AKR1E2: variants seen among roughly 807,000 people sequenced by gnomAD.
AKR1E2 encodes the protein 1,5-anhydro-D-fructose reductase.
In AKR1E2, 43 loss-of-function variants were observed where a neutral mutation model predicts 41.9. The ratio of observed to expected loss-of-function variants is 1.03; its 90% confidence interval spans 0.80 to 1.32. The LOEUF is 1.32. AKR1E2 is among the 40% of genes most tolerant of loss of function. AKR1E2 has a pLI of 0.00. For synonymous variants in AKR1E2, 121 were observed against 138.9 expected (o/e 0.87, Z 0.91); for missense variants, 423 against 396.5 (o/e 1.07, Z -0.57).
Position 4,833,406 on chromosome 10 carries a change from C to T in AKR1E2, c.264C>T (p.Leu88=). Residue 88 remains leucine (L), a synonymous_variant, in exon 3 of 10, where the codon CTC becomes CTT. Transcript: ENST00000298375. ...TGGAAACAGCATGCAGAAAGAGTCT[C>T]AAGGCCTTGAAGCTGAACTATTTGG... ...SLVETACRKS[L]KALKLNYLDL... 1 of 1,614,202 alleles carries T rather than the reference C, an allele frequency of 6.2e-7. No homozygotes were observed. The highest frequency in any genetic ancestry group is 8.5e-7 in the Non-Finnish European group (1 of 1,180,046).
the AKR1E2 span, among the ~76,000 whole-genome samples, chr10:4,863,317 C>T: frequency 2.6e-5 from 4 of 152,182 alleles, no homozygotes; most frequent in African/African-American, 4.8e-5. Flanking sequence ...CACTCAAAAC[C>T]ACTCAACTAC....
chr10:4,864,424 A>ATT, the AKR1E2 span, among the ~76,000 whole-genome samples: 1 of 152,208 alleles, frequency 6.6e-6, no homozygotes, highest in African/African-American at 2.4e-5. Context: ...TTCATGCTAA[A>ATT]AACTCTCAAT....
At chr10:4,834,435 T>G (rs565839719) in intron 3 of AKR1E2, among the ~76,000 whole-genome samples, 2 of 152,378 alleles carry the variant, frequency 1.3e-5, no homozygotes, top group East Asian at 1.9e-4. Context: ...ACCAGAGTGA[T>G]GTCTGTGCCT....
the AKR1E2 span, among the ~76,000 whole-genome samples, chr10:4,856,917 G>A: frequency 6.8e-6 from 1 of 147,120 alleles, no homozygotes; most frequent in Non-Finnish European, 1.5e-5. Flanking sequence ...TCACATTGTT[G>A]TGCAACCATC....
rs372646488 is a variant in AKR1E2 at position 4,845,169 on chromosome 10, C to T, written c.838-1979C>T. Among the ~76,000 whole-genome samples, 31 of 152,352 alleles carry T rather than the reference C, an allele frequency of 2.0e-4. No individual in the cohort carries two copies. The East Asian group carries it at 2.1e-3, about 10-fold the overall frequency. On this transcript the variant is annotated intron_variant, in intron 8 of 9. Coordinates refer to ENST00000298375, the MANE Select transcript of AKR1E2 (RefSeq NM_001040177.3). ...CAGCCGCTGGCCCGAGTGCTAAGCC[C>T]CTCATTGCCCAGGGCCAGCAGGGCT...
At chr10:4,873,143 C>A in the AKR1E2 span, among the ~76,000 whole-genome samples, 1 of 152,010 alleles carries the variant, frequency 6.6e-6, no homozygotes, top group Non-Finnish European at 1.5e-5. Flanking sequence ...GTTTTTCCTG[C>A]GCTGTTCTTG....
the AKR1E2 span, among the ~76,000 whole-genome samples, chr10:4,861,620 C>A: frequency 7.2e-5 from 11 of 152,222 alleles, no homozygotes; most frequent in Non-Finnish European, 1.0e-4. Context: ...CCTCCCGCCT[C>A]GGTCTCCCAA....
At chr10:4,838,618 A>G (rs1441678853) in intron 5 of AKR1E2, among the ~76,000 whole-genome samples, 1 of 152,226 alleles carries the variant, frequency 6.6e-6, no homozygotes, top group Non-Finnish European at 1.5e-5. Flanking sequence ...AACAAACTCA[A>G]GTATTCAGCA....
chr10:4,830,910 TC>T, intron 2 of AKR1E2, 68 bp downstream of exon 2: 1 of 1,576,250 alleles, frequency 6.3e-7, no homozygotes, highest in Non-Finnish European at 8.7e-7. Context: ...CTTTCTACTT[TC>T]TTTATGGGAG....
intron 6 of AKR1E2, among the ~76,000 whole-genome samples, chr10:4,840,946 G>A (rs964928777): frequency 6.6e-6 from 1 of 152,144 alleles, no homozygotes; most frequent in Admixed American, 6.5e-5. Flanking sequence ...CAGCACCTGG[G>A]AAACATTGGG....
downstream of AKR1E2, among the ~76,000 whole-genome samples, chr10:4,850,165 G>T (rs1048394990): frequency 6.6e-6 from 1 of 152,124 alleles, no homozygotes; most frequent in Non-Finnish European, 1.5e-5. Context: ...TGTGACTTCT[G>T]TGTAAGTTCT....
chr10:4,872,107 CTG>C, the AKR1E2 span, among the ~76,000 whole-genome samples: 2 of 152,158 alleles, frequency 1.3e-5, no homozygotes, highest in South Asian at 4.1e-4. Context: ...TTTGAATACA[CTG>C]TGGAAAATAA....
chr10:4,855,455 G>A, the AKR1E2 span, among the ~76,000 whole-genome samples: 2 of 152,142 alleles, frequency 1.3e-5, no homozygotes, highest in Admixed American at 6.5e-5. Context: ...GAAAAAAACC[G>A]GATGAGGTTT....
the AKR1E2 span, chr10:4,871,905 A>G: frequency 6.6e-6 from 1 of 152,192 alleles, no homozygotes; most frequent in African/African-American, 2.4e-5. Context: ...CTTTATATTC[A>G]TCAAGAAATG....
chr10:4,866,103 G>A, the AKR1E2 span, among the ~76,000 whole-genome samples: 1 of 152,178 alleles, frequency 6.6e-6, no homozygotes, highest in Non-Finnish European at 1.5e-5. Flanking sequence ...TTGGGCCATT[G>A]TTTTTCACTG....
At chr10:4,839,976 A>G (rs1189627807) in intron 6 of AKR1E2, 150 bp downstream of exon 6, 1 of 736,524 alleles carries the variant, frequency 1.4e-6, no homozygotes, top group East Asian at 2.7e-5. Context: ...CACACCTCTC[A>G]AGCCTGGGAT....
the AKR1E2 span, among the ~76,000 whole-genome samples, chr10:4,864,554 G>A: frequency 1.3e-5 from 2 of 148,996 alleles, no homozygotes; most frequent in African/African-American, 5.0e-5. Flanking sequence ...CTGGCACAAG[G>A]CAGGGATGCC....
chr10:4,836,637 C>T (rs753932675), intron 4 of AKR1E2, among the ~76,000 whole-genome samples: 22 of 152,134 alleles, frequency 1.4e-4, no homozygotes, highest in Non-Finnish European at 2.6e-4. Flanking sequence ...AGGCTAGGCT[C>T]CCCCCATCAA....
chr10:4,842,325 G>T, intron 7 of AKR1E2, 96 bp from the exon 8 acceptor site: 1 of 1,053,876 alleles, frequency 9.5e-7, no homozygotes. Flanking sequence ...TTGATTCTTG[G>T]ACTCTTACTG....
Sources: gnomAD v4.1 joint callset for allele counts (sites outside exome capture counted in the v4.1 genomes callset) on GRCh38, gnomAD v4.1.1 for gene constraint, MANE v1.5 for transcripts, NCBI Gene and HGNC (gene_info 2026-07-23, HGNC 2026-07-21) for gene names.